STX19: variants seen among roughly 807,000 people sequenced by gnomAD.
The protein encoded by STX19 is syntaxin 19.
A neutral mutation model predicts 24.3 loss-of-function variants in STX19; 26 were observed. The ratio of observed to expected loss-of-function variants is 1.07; its 90% CI spans 0.78 to 1.48. The LOEUF is 1.48. Ranked by LOEUF, STX19 falls within the 40% of genes most tolerant of loss-of-function variation. The probability of loss-of-function intolerance (pLI) is 0.00; values close to 1 mark genes in which losing one functional copy is unlikely to be tolerated. For missense variants in STX19, 367 were observed against 331.9 expected, an observed-to-expected ratio of 1.11 and a Z score of -0.82; for synonymous variants, 116 against 106.9, an observed-to-expected ratio of 1.09 and a Z score of -0.52.
intron 1 of STX19, among the ~76,000 whole-genome samples, chr3:94,026,014 A>G (rs1241787133): frequency 6.6e-6 from 1 of 151,276 alleles, no homozygotes; most frequent in Non-Finnish European, 1.5e-5. Flanking sequence ...GGCACCTGAA[A>G]ACTTCTCTTT....
At chr3:94,023,651 A>G (rs1364360344) in intron 1 of STX19, among the ~76,000 whole-genome samples, 3 of 152,170 alleles carry the variant, frequency 2.0e-5, no homozygotes, top group Non-Finnish European at 4.4e-5. Context: ...AGGCCACACA[A>G]CTAAAAGGTG....
chr3:94,022,618 A>ACTGTAG (rs1559992182), intron 1 of STX19, among the ~76,000 whole-genome samples: 1 of 152,104 alleles, frequency 6.6e-6, no homozygotes, highest in African/African-American at 2.4e-5. Context: ...CACCTAAGGT[A>ACTGTAG]CTGTAGCTGT....
intron 1 of STX19, among the ~76,000 whole-genome samples, chr3:94,022,160 G>T (rs963221333): frequency 1.3e-5 from 2 of 151,938 alleles, no homozygotes; most frequent in Non-Finnish European, 2.9e-5. Context: ...TTTCGCTGTT[G>T]TCACCCAGGC....
chr3:94,022,008 T>C (rs1186947244), intron 1 of STX19, among the ~76,000 whole-genome samples: 1 of 152,208 alleles, frequency 6.6e-6, no homozygotes, highest in Non-Finnish European at 1.5e-5. Flanking sequence ...CAATTCTCCA[T>C]TCCTTAAAGA....
In STX19 at chr3:94,014,806, A is replaced by G. The variant is rs747649077; in HGVS notation, c.464T>C (p.Ile155Thr). Reference protein sequence around the residue: ...QQIMFIYNDTIAAKQEKCKTF... With the variant: ...QQIMFIYNDTTAAKQEKCKTF... The stretch of plus-strand genomic sequence containing the variant: ...CTTGCACTTCTCTTGCTTTGCTGCT[A>G]TTGTGTCATTGTATATAAACATGAT... The change falls in exon 2 of 2, where the codon ATA becomes ACA. Residue 155 changes from isoleucine (I) to threonine (T), a missense_variant. Transcript: ENST00000315099. 1.4e-5 allele frequency: 22 copies of G among 1,613,910 alleles called. No homozygotes were observed. In the Admixed American group the frequency reaches 2.5e-4, roughly 18 times the overall value.
At chr3:94,024,605 A>G (rs2076517488) in intron 1 of STX19, among the ~76,000 whole-genome samples, 1 of 152,082 alleles carries the variant, frequency 6.6e-6, no homozygotes, top group South Asian at 2.1e-4. Flanking sequence ...TTTATTTTTG[A>G]GATAGGATCT....
intron 1 of STX19, among the ~76,000 whole-genome samples, chr3:94,016,062 T>G (rs575618077): frequency 1.3e-5 from 2 of 152,238 alleles, no homozygotes; most frequent in South Asian, 4.1e-4. Flanking sequence ...ACATGCTGTG[T>G]TGGTAGTTAT....
At chr3:94,016,495 T>C (rs1423845022) in intron 1 of STX19, among the ~76,000 whole-genome samples, 1 of 152,192 alleles carries the variant, frequency 6.6e-6, no homozygotes, top group Non-Finnish European at 1.5e-5. Flanking sequence ...TGTGGAACTT[T>C]ATACTAAAAA....
chr3:94,017,324 A>T (rs907991882), intron 1 of STX19, among the ~76,000 whole-genome samples: 3 of 152,198 alleles, frequency 2.0e-5, no homozygotes, highest in African/African-American at 7.2e-5. Context: ...TTACATGGAA[A>T]GAGGTTTGAT....
At position 94,028,399 on chromosome 3, in the gene STX19, C is replaced by G. The variant is rs1474640373; in HGVS notation, c.-46G>C. On this transcript the variant is annotated 5_prime_UTR_variant, in exon 1 of 2. Transcript: ENST00000315099. ...TTTTCTTCCTTTTGTTGGTTTTCCA[C>G]CTGCGGTGTTGGAGTCCTGCCTTTG... 6.6e-6 allele frequency: 1 copy of G among 152,240 alleles called. No individual in the cohort carries two copies. Among genetic ancestry groups the G allele is most frequent in the East Asian group, 1.9e-4 (1 of 5,206 alleles). 9.4% of individuals were successfully genotyped at this position (152,240 alleles called of 1,614,324 possible). A position where few individuals can be genotyped will look rare whatever the true frequency, so the allele number is the denominator to read the frequency against.
In STX19 at chr3:94,015,187, G is replaced by A. The variant is rs981092901; in HGVS notation, c.83C>T (p.Thr28Ile). Residue 28 changes from threonine to isoleucine, a missense_variant, in exon 2 of 2, where the codon ACA (threonine) becomes ATA (isoleucine). Thr to Ile is a moderately conservative substitution (Grantham distance 89, BLOSUM62 -1). Transcript: ENST00000315099. The part of the protein sequence containing the change: ...SRDSHVSTTE[T>I]EEQGVFLQQA... ...CTGTAGAAACACCCCTTGTTCCTCT[G>A]TTTCTGTAGTTGATACATGACTGTC... 6.2e-6 allele frequency: 10 copies of A among 1,613,336 alleles called. No homozygotes were observed. Among genetic ancestry groups the A allele is most frequent in the Admixed American group, 5.0e-5 (3 of 59,928 alleles).
chr3:94,027,306 A>T (rs980478701), intron 1 of STX19, among the ~76,000 whole-genome samples: 1 of 152,052 alleles, frequency 6.6e-6, no homozygotes, highest in Non-Finnish European at 1.5e-5. Context: ...CTAAAAAAAA[A>T]TTGCAAATTG....
chr3:94,027,827 G>A (rs751242719), intron 1 of STX19, among the ~76,000 whole-genome samples: 8 of 151,900 alleles, frequency 5.3e-5, no homozygotes, highest in South Asian at 2.1e-4. Context: ...TGAGTACTTC[G>A]ATATTTTCTG....
In STX19 at chr3:94,014,412, C is replaced by T. The variant is rs762373909; in HGVS notation, c.858G>A (p.Trp286Ter). 18 of 1,558,138 alleles carry T rather than the reference C, an allele frequency of 1.2e-5. No homozygotes were observed. The South Asian group carries it at 2.3e-4, about 20-fold the overall frequency. The change falls in exon 2 of 2, where the codon TGG becomes TGA. Residue 286 changes from tryptophan to a stop codon, truncating the protein, a stop_gained. Coordinates refer to ENST00000315099, the MANE Select transcript of STX19 (RefSeq NM_001001850.3). LOFTEE classifies it high-confidence loss of function. Reference sequence around the variant, plus strand: ...ATTTTGAGCTACAGCATGGACAGCACCAACAACACAGTACTCTGCAAGGAT... The same window carrying T: ...ATTTTGAGCTACAGCATGGACAGCATCAACAACACAGTACTCTGCAAGGAT... ...KRNPCRVLCC[W>*]CCPCCSSK
At position 94,025,196 on chromosome 3, in the gene STX19, G is replaced by A. The variant is rs1164312261; in HGVS notation, c.-14+3171C>T. ...ATTTGAATAAAAGGTACTTTAAGGAGCCCTTTAAAATATATTAATATGTCC... is the reference window on the plus strand; with the variant it reads ...ATTTGAATAAAAGGTACTTTAAGGAACCCTTTAAAATATATTAATATGTCC... On this transcript the variant is annotated intron_variant, in intron 1 of 1. Coordinates refer to ENST00000315099, the MANE Select transcript of STX19 (RefSeq NM_001001850.3). 5.3e-5 allele frequency among the ~76,000 whole-genome samples: 8 copies of A among 151,166 alleles called. No homozygotes were observed. The East Asian group carries it at 9.6e-4, about 18-fold the overall frequency.
chr3:94,020,686 A>T (rs1296452209), intron 1 of STX19, among the ~76,000 whole-genome samples: 1 of 152,208 alleles, frequency 6.6e-6, no homozygotes, highest in Non-Finnish European at 1.5e-5. Flanking sequence ...GTATTACTTT[A>T]TTGCCACATG....
At chr3:94,023,794 T>C (rs944602785) in intron 1 of STX19, among the ~76,000 whole-genome samples, 1 of 152,150 alleles carries the variant, frequency 6.6e-6, no homozygotes, top group African/African-American at 2.4e-5. Flanking sequence ...TACTGTATTA[T>C]GTTACTAATA....
intron 1 of STX19, among the ~76,000 whole-genome samples, chr3:94,018,255 G>A (rs2076373687): frequency 6.6e-6 from 1 of 151,478 alleles, no homozygotes; most frequent in Non-Finnish European, 1.5e-5. Context: ...GTTTCCTGGG[G>A]AGGGGGTGGG....
At position 94,014,958 on chromosome 3, in the gene STX19, G is replaced by A. The variant is rs1241211811; in HGVS notation, c.312C>T (p.Tyr104=). The change falls in exon 2 of 2, where the codon TAC becomes TAT. Residue 104 remains tyrosine, a synonymous_variant. Transcript: ENST00000315099. ...CTAAATCATTCAAACTTCTGTTGAT[G>A]TATTCTGCCTGAATTTTTATCTCCT... ...ITKEIKIQAE[Y]INRSLNDLVK... 2 of 1,613,910 alleles carry A rather than the reference G, an allele frequency of 1.2e-6. No homozygotes were observed. Among genetic ancestry groups the A allele is most frequent in the Non-Finnish European group, 1.7e-6 (2 of 1,179,916 alleles).
Sources: allele counts gnomAD v4.1 joint callset (sites outside exome capture counted in the v4.1 genomes callset), GRCh38; gene constraint gnomAD v4.1.1; transcripts MANE v1.5; gene names NCBI Gene and HGNC (gene_info 2026-07-23, HGNC 2026-07-21).